The following FBXL13 variants were observed in gnomAD, a reference collection of about 807,000 sequenced individuals.
The protein encoded by FBXL13 is F-box and leucine-rich repeat protein 13.
In FBXL13, 67 loss-of-function variants were observed where a neutral mutation model predicts 83.6. That is an observed-to-expected ratio of 0.80 (90% CI 0.66 to 0.98). The LOEUF is 0.98. Among genes scored for constraint, FBXL13 ranks in the 50% least tolerant of loss-of-function variants. FBXL13 has a pLI of 0.00. For synonymous variants in FBXL13, 272 were observed against 299.5 expected, an observed-to-expected ratio of 0.91 and a Z score of 0.95; for missense variants, 822 against 866.5, an observed-to-expected ratio of 0.95 and a Z score of 0.64.
chr7:102,815,660 T>C (rs1035138147), intron 19 of FBXL13, among the ~76,000 whole-genome samples: 1 of 152,084 alleles, frequency 6.6e-6, no homozygotes, highest in Non-Finnish European at 1.5e-5. Flanking sequence ...AGGAAATGCT[T>C]GTTTTAGGGA....
At chr7:102,877,565 G>T (rs368775610) in exon 16 of FBXL13, 1 of 1,609,298 alleles carries the variant, frequency 6.2e-7, no homozygotes, top group Non-Finnish European at 8.5e-7. Context: ...TCACAATTTC[G>T]TAAACTCAAG....
At chr7:103,074,168 G>A in intron 1 of FBXL13, 2 of 914,244 alleles carry the variant, frequency 2.2e-6, no homozygotes, top group Non-Finnish European at 2.6e-6. Context: ...CTGACCAAAG[G>A]TCTCAGCTTC....
chr7:102,966,489 T>C (rs554326887), intron 7 of FBXL13, among the ~76,000 whole-genome samples: 2 of 152,262 alleles, frequency 1.3e-5, no homozygotes, highest in South Asian at 4.1e-4. Context: ...TGAATCCAAA[T>C]GGTCTGGAGG....
chr7:102,972,695 G>A (rs1380478102), intron 6 of FBXL13, among the ~76,000 whole-genome samples: 1 of 147,614 alleles, frequency 6.8e-6, no homozygotes, highest in African/African-American at 2.5e-5. Flanking sequence ...GTCAGGAAAG[G>A]GGAAAAATAA....
At chr7:102,823,222 C>T (rs1799061095) in intron 18 of FBXL13, among the ~76,000 whole-genome samples, 2 of 152,168 alleles carry the variant, frequency 1.3e-5, no homozygotes, top group Admixed American at 1.3e-4. Flanking sequence ...TGGGATTTGG[C>T]TTTAAATTTA....
chr7:102,991,200 A>G (rs768373880), intron 6 of FBXL13, among the ~76,000 whole-genome samples: 3 of 152,222 alleles, frequency 2.0e-5, no homozygotes, highest in Non-Finnish European at 2.9e-5. Flanking sequence ...GGTAAAAGAG[A>G]GAAGTCAAAG....
intron 10 of FBXL13, among the ~76,000 whole-genome samples, chr7:102,915,424 G>A (rs1815640957): frequency 6.6e-6 from 1 of 151,452 alleles, no homozygotes; most frequent in South Asian, 2.1e-4. Context: ...TTAATGAAAT[G>A]GATACTTATC....
intron 8 of FBXL13, chr7:102,944,763 G>C: frequency 1.5e-6 from 1 of 649,486 alleles, no homozygotes; most frequent in Non-Finnish European, 2.5e-6. Context: ...GACTATTATA[G>C]TAATCAAGAG....
intron 6 of FBXL13, among the ~76,000 whole-genome samples, chr7:102,981,992 C>G (rs1828295144): frequency 2.0e-5 from 3 of 152,130 alleles, no homozygotes; most frequent in Admixed American, 2.0e-4. Context: ...ATCACGAGGT[C>G]AATGCTGGGT....
intron 7 of FBXL13, among the ~76,000 whole-genome samples, chr7:102,965,713 C>G (rs1439094263): frequency 6.6e-6 from 1 of 152,146 alleles, no homozygotes; most frequent in East Asian, 1.9e-4. Flanking sequence ...GGGGAGAGGA[C>G]TCAGCCAACA....
At chr7:102,960,089 T>C (rs1824936315) in intron 8 of FBXL13, among the ~76,000 whole-genome samples, 1 of 152,106 alleles carries the variant, frequency 6.6e-6, no homozygotes, top group Non-Finnish European at 1.5e-5. Context: ...TTTTACTGTC[T>C]ATTGTTAGTT....
chr7:103,027,826 A>C (rs1290099987), intron 4 of FBXL13, among the ~76,000 whole-genome samples: 2 of 152,202 alleles, frequency 1.3e-5, no homozygotes, highest in Non-Finnish European at 2.9e-5. Flanking sequence ...TCCTTTTTTT[A>C]AACAAGGTTG....
chr7:102,867,365 A>G (rs1563016160), intron 16 of FBXL13, among the ~76,000 whole-genome samples: 1 of 148,076 alleles, frequency 6.8e-6, no homozygotes, highest in Non-Finnish European at 1.5e-5. Flanking sequence ...ATCCAAAAAA[A>G]CCCAAACAAA....
intron 8 of FBXL13, chr7:102,944,780 A>G (rs760119821): frequency 6.8e-6 from 4 of 589,112 alleles, no homozygotes; most frequent in African/African-American, 5.7e-5. Flanking sequence ...AGAGAATGCT[A>G]TCATCCTGCT....
chr7:102,993,629 A>T (rs1829807105), intron 6 of FBXL13, among the ~76,000 whole-genome samples: 1 of 151,988 alleles, frequency 6.6e-6, no homozygotes, highest in Non-Finnish European at 1.5e-5. Context: ...TTGTATTTTC[A>T]CGGAAAACAG....
intron 6 of FBXL13, among the ~76,000 whole-genome samples, chr7:102,975,107 G>C (rs542879956): frequency 6.6e-6 from 1 of 151,954 alleles, no homozygotes; most frequent in East Asian, 1.9e-4. Flanking sequence ...ACCCATACTC[G>C]CTCAGGCACC....
At chr7:102,986,024 C>CA (rs953668573) in intron 6 of FBXL13, among the ~76,000 whole-genome samples, 7 of 151,998 alleles carry the variant, frequency 4.6e-5, no homozygotes, top group Admixed American at 1.3e-4. Flanking sequence ...GATGCCCCCC[C>CA]CCCATCAATA....
chr7:102,963,094 GGATCACTTGAGGTCA>G (rs1416699432), intron 8 of FBXL13, among the ~76,000 whole-genome samples: 7 of 151,064 alleles, frequency 4.6e-5, no homozygotes, highest in African/African-American at 1.7e-4. Flanking sequence ...CGAGGCGGGT[GGATCACTTGAGGTCA>G]GGAGTTTGAG....
chr7:103,020,757 C>T lies in FBXL13; in HGVS notation c.495+4306G>A, dbSNP rs573757721. ...AATTGCTTCAAAGAGAATAAAATAC[C>T]TAGGAATCCAACTTACAAGAAATGT... On this transcript the variant is annotated intron_variant, in intron 6 of 19. Transcript: ENST00000313221. Among the ~76,000 whole-genome samples the T allele has an allele frequency of 9.5e-4, 144 of 152,240 alleles. 1 individual carries two copies. Among genetic ancestry groups the T allele is most frequent in the African/African-American group, 3.2e-3 (133 of 41,538 alleles).
Sources: gnomAD v4.1 joint callset for allele counts (sites outside exome capture counted in the v4.1 genomes callset) on GRCh38, gnomAD v4.1.1 for gene constraint, MANE v1.5 for transcripts, NCBI Gene and HGNC (gene_info 2026-07-23, HGNC 2026-07-21) for gene names.